Variants in ANKDD1B observed in about 807,000 individuals in gnomAD.
ANKDD1B encodes the protein ankyrin repeat and death domain-containing protein 1B.
In ANKDD1B, 57 loss-of-function variants were observed where a neutral mutation model predicts 59.7. The ratio of observed to expected loss-of-function variants is 0.95; its 90% CI spans 0.77 to 1.19. The LOEUF is 1.19. Among genes scored for constraint, ANKDD1B ranks in the 50% most tolerant of loss-of-function variants. The probability of loss-of-function intolerance (pLI) is 0.00; values close to 1 mark genes in which losing one functional copy is unlikely to be tolerated. For synonymous variants in ANKDD1B, 216 were observed against 239.5 expected (o/e 0.90, Z 0.91); for missense variants, 602 against 641.9 (o/e 0.94, Z 0.67).
At chr5:75,661,780 A>G (rs1283747336) in intron 10 of ANKDD1B, among the ~76,000 whole-genome samples, 1 of 152,096 alleles carries the variant, frequency 6.6e-6, no homozygotes, top group Non-Finnish European at 1.5e-5. Flanking sequence ...ACTGGGCCTC[A>G]TGATTTGACT....
chr5:75,638,265 G>A (rs1774368332), intron 7 of ANKDD1B, among the ~76,000 whole-genome samples: 1 of 152,170 alleles, frequency 6.6e-6, no homozygotes. Context: ...AGGGCACATT[G>A]GGGAAAACTC....
At chr5:75,662,649 C>T (rs1347442444) in intron 10 of ANKDD1B, among the ~76,000 whole-genome samples, 1 of 152,090 alleles carries the variant, frequency 6.6e-6, no homozygotes, top group Non-Finnish European at 1.5e-5. Flanking sequence ...ATTCTGCTTG[C>T]AAAGCTCTAT....
chr5:75,611,827 C>A lies in ANKDD1B; in HGVS notation c.193C>A (p.Leu65Ile). ...CACAGCAGTTGCCGGACACGAGCTCCGTGAGTCCCGGGACGAGGTCTCAGA... is the reference window on the plus strand; with the variant it reads ...CACAGCAGTTGCCGGACACGAGCTCAGTGAGTCCCGGGACGAGGTCTCAGA... ...EDTAVAGHEL[L>I]LPNERSFQNA... The change falls in exon 1 of 14, where the codon CTA becomes ATA. Residue 65 changes from leucine to isoleucine, a missense_variant and splice_region_variant. Physicochemically the swap from Leu to Ile is conservative, Grantham distance 5 (BLOSUM62 2). Coordinates refer to ENST00000601380, the MANE Select transcript of ANKDD1B (RefSeq NM_001276713.2). 1 of 1,231,886 alleles carries A rather than the reference C, an allele frequency of 8.1e-7. No individual in the cohort carries two copies. The highest frequency in any genetic ancestry group is 1.0e-6 in the Non-Finnish European group (1 of 988,166). The allele number at this position is 1,231,886 out of a possible 1,614,324, so 76.3% of individuals were successfully genotyped here. A position where few individuals can be genotyped will look rare whatever the true frequency, so the allele number is the denominator to read the frequency against.
At chr5:75,651,237 G>A (rs1207005967) in intron 7 of ANKDD1B, among the ~76,000 whole-genome samples, 1 of 152,208 alleles carries the variant, frequency 6.6e-6, no homozygotes, top group East Asian at 1.9e-4. Context: ...GGAGCCTGTG[G>A]GACAGGAGAT....
chr5:75,623,696 CT>C (rs1479956914), intron 3 of ANKDD1B, among the ~76,000 whole-genome samples: 1 of 152,104 alleles, frequency 6.6e-6, no homozygotes, highest in Non-Finnish European at 1.5e-5. Context: ...GTCGTTGGGG[CT>C]GCCCTGTGTA....
rs764852636 is a variant in ANKDD1B, at chr5:75,640,045, CT to C, written c.798+4174del. Among the ~76,000 whole-genome samples the C allele has an allele frequency of 1.9e-3, 280 of 145,114 alleles. 1 individual carries two copies. The East Asian group carries it at 0.029, about 15-fold the overall frequency. On this transcript the variant is annotated intron_variant, in intron 7 of 13. Coordinates refer to ENST00000601380, the MANE Select transcript of ANKDD1B (RefSeq NM_001276713.2). ...ATTCCTTATTTCTGAGATTATCTTT[CT>C]TTTTTTTTTTGTTTTGAGATGAGGT...
chr5:75,621,369 A>G (rs1387117284), intron 3 of ANKDD1B, among the ~76,000 whole-genome samples: 4 of 152,202 alleles, frequency 2.6e-5, no homozygotes, highest in Non-Finnish European at 5.9e-5. Context: ...AAAAATCAGG[A>G]AAGTCACTGC....
intron 12 of ANKDD1B, among the ~76,000 whole-genome samples, chr5:75,667,972 T>C (rs1285048832): frequency 6.6e-6 from 1 of 152,218 alleles, no homozygotes; most frequent in Non-Finnish European, 1.5e-5. Context: ...ATTGAAAACA[T>C]TGAATACTAA....
In ANKDD1B at chr5:75,652,728, T is replaced by C. The variant is rs557458948; in HGVS notation, c.799-414T>C. 3.3e-5 allele frequency among the ~76,000 whole-genome samples: 5 copies of C among 152,370 alleles called. No individual in the cohort carries two copies. In the East Asian group the frequency reaches 9.6e-4, roughly 29 times the overall value. On this transcript the variant is annotated intron_variant, in intron 7 of 13. Transcript: ENST00000601380. ...TGCTAGAATTGCAGGCATGAGCCAC[T>C]GTGCCCAGCCAGATTTTCTTTTTTA...
At chr5:75,668,185 A>G (rs11960610) in intron 12 of ANKDD1B, among the ~76,000 whole-genome samples, 2,771 of 152,234 alleles carry the variant, frequency 0.018, 84 homozygotes, top group African/African-American at 0.061. Flanking sequence ...GTTTCGATGG[A>G]ACCTTTATGG....
chr5:75,667,725 A>C (rs1436457607), intron 12 of ANKDD1B, among the ~76,000 whole-genome samples: 1 of 152,200 alleles, frequency 6.6e-6, no homozygotes, highest in African/African-American at 2.4e-5. Context: ...AAAACAATGA[A>C]GCAAACATGT....
At position 75,653,146 on chromosome 5, in the gene ANKDD1B, A is replaced by G. The variant is rs915334576; in HGVS notation, c.803A>G (p.Asn268Ser). 7 of 1,535,056 alleles carry G rather than the reference A, an allele frequency of 4.6e-6. No individual in the cohort carries two copies. In the South Asian group the frequency reaches 4.8e-5, roughly 10 times the overall value. Residue 268 changes from asparagine (N) to serine (S), a missense_variant, in exon 8 of 14, where the codon AAT becomes AGT. Around this residue, in one of 3 missense-constraint regions of ANKDD1B, gnomAD observed 280 missense variants for 319.8 expected, o/e 0.88. Coordinates refer to ENST00000601380, the MANE Select transcript of ANKDD1B (RefSeq NM_001276713.2). ...CCTCTCTATTGTCTCTTGCAGCTCA[A>G]TATCAGTAGTTTGCAGATAGCAACC... ...WQDINEMNEL[N>S]ISSLQIATRN...
At chr5:75,660,499 G>T (rs779378682) in intron 10 of ANKDD1B, among the ~76,000 whole-genome samples, 5 of 152,132 alleles carry the variant, frequency 3.3e-5, no homozygotes, top group Non-Finnish European at 5.9e-5. Context: ...TTCATCCATC[G>T]ATGGACATTT....
rs1381451968 is a variant in ANKDD1B, at chr5:75,611,505, C to G, written c.-130C>G. 1.5e-6 allele frequency: 1 copy of G among 648,486 alleles called. No individual in the cohort carries two copies. The highest frequency in any genetic ancestry group is 3.4e-5 in the East Asian group (1 of 29,124). The allele number at this position is 648,486 out of a possible 1,614,324, so 40.2% of individuals were successfully genotyped here. A position where few individuals can be genotyped will look rare whatever the true frequency, so the allele number is the denominator to read the frequency against. ...AGCGGACTCGATCCTGCGCTCCGGC[C>G]GGGCTGACCTGCCTGCGTCCAGCCC... On this transcript the variant is annotated 5_prime_UTR_variant, in exon 1 of 14. Transcript: ENST00000601380.
intron 1 of ANKDD1B, among the ~76,000 whole-genome samples, 195 bp from the exon 2 acceptor site, chr5:75,616,609 G>A (rs537217054): frequency 2.0e-4 from 30 of 152,288 alleles, no homozygotes; most frequent in Middle Eastern, 3.4e-3. Context: ...ATGTGAAAGC[G>A]CTTGCAGCAT....
At chr5:75,623,408 G>C (rs567440718) in intron 3 of ANKDD1B, among the ~76,000 whole-genome samples, 1 of 152,254 alleles carries the variant, frequency 6.6e-6, no homozygotes, top group Admixed American at 6.5e-5. Flanking sequence ...ACTAAATATA[G>C]AGCGCTGACT....
intron 5 of ANKDD1B, among the ~76,000 whole-genome samples, chr5:75,629,332 C>T (rs1370190481): frequency 1.3e-5 from 2 of 151,824 alleles, no homozygotes; most frequent in Non-Finnish European, 2.9e-5. Flanking sequence ...TCAGGGTTTC[C>T]CCTGCCTCAA....
In ANKDD1B at chr5:75,663,412, G is replaced by T. The variant is rs554714584; in HGVS notation, c.1114G>T (p.Ala372Ser). Residue 372 changes from alanine (A) to serine (S), a missense_variant, in exon 11 of 14, where the codon GCT (alanine) becomes TCT (serine). By Grantham distance (99) the Ala-to-Ser change is moderately conservative (BLOSUM62 1). Transcript: ENST00000601380. ...ATTTTAGCAAGGAAAGACTGCCCTG[G>T]CTGTGGCCTCCAGGAGCAACCATAG... ...AVDKQGKTAL[A>S]VASRSNHSLV... 6.5e-7 allele frequency: 1 copy of T among 1,536,170 alleles called. No individual in the cohort carries two copies. Among genetic ancestry groups the T allele is most frequent in the African/African-American group, 1.4e-5 (1 of 73,120 alleles).
intron 7 of ANKDD1B, among the ~76,000 whole-genome samples, chr5:75,645,361 TAAAG>T (rs1166530659): frequency 5.9e-5 from 4 of 67,884 alleles, no homozygotes; most frequent in East Asian, 3.4e-4. Context: ...GCAAGACTAA[TAAAG>T]AAAAAAAGAG....
Sources: allele counts gnomAD v4.1 joint callset (sites outside exome capture counted in the v4.1 genomes callset), GRCh38; gene constraint gnomAD v4.1.1; regional missense constraint gnomAD v4.1.1; transcripts MANE v1.5; gene names NCBI Gene and HGNC (gene_info 2026-07-23, HGNC 2026-07-21).